PTPN14: variants seen among roughly 807,000 people sequenced by gnomAD.
PTPN14 encodes the protein protein tyrosine phosphatase non-receptor type 14, also known as tyrosine-protein phosphatase non-receptor type 14.
Under a neutral mutation model 126.8 loss-of-function variants are expected in PTPN14, and 53 were observed. The ratio of observed to expected loss-of-function variants is 0.42; its 90% CI spans 0.34 to 0.53. The LOEUF is 0.53. PTPN14 is among the 20% of genes least tolerant of loss of function. PTPN14 has a pLI of 0.08. For missense variants in PTPN14, 1,257 were observed against 1,552.9 expected (o/e 0.81, Z 3.20); for synonymous variants, 630 against 599.3 (o/e 1.05, Z -0.75).
intron 1 of PTPN14, among the ~76,000 whole-genome samples, chr1:214,470,348 A>AT (rs1572020479): frequency 6.6e-6 from 1 of 152,046 alleles, no homozygotes; most frequent in Non-Finnish European, 1.5e-5. Context: ...CAATACTGTG[A>AT]TTTTTTTCTA....
chr1:214,513,412 C>T (rs774397981), intron 1 of PTPN14, among the ~76,000 whole-genome samples: 1 of 151,310 alleles, frequency 6.6e-6, no homozygotes, highest in Non-Finnish European at 1.5e-5. Flanking sequence ...ATCAAAATAT[C>T]TCACATAAAA....
chr1:214,366,663 G>A (rs764823820), intron 17 of PTPN14, among the ~76,000 whole-genome samples: 6 of 152,116 alleles, frequency 3.9e-5, no homozygotes, highest in African/African-American at 1.2e-4. Flanking sequence ...CACAGAATAC[G>A]TGTATTGACT....
intron 1 of PTPN14, among the ~76,000 whole-genome samples, chr1:214,475,441 T>C (rs1004846688): frequency 2.0e-5 from 3 of 152,234 alleles, no homozygotes; most frequent in Admixed American, 6.5e-5. Context: ...CCAGCTTGCA[T>C]AATCAATTCC....
intron 17 of PTPN14, 60 bp downstream of exon 17, chr1:214,369,397 A>C (rs1009764615): frequency 2.7e-6 from 4 of 1,485,802 alleles, no homozygotes; most frequent in Non-Finnish European, 3.7e-6. Context: ...CCAACAGATG[A>C]ATTATTGACA....
chr1:214,390,843 A>G (rs917908535), intron 11 of PTPN14, 145 bp downstream of exon 11: 2 of 579,418 alleles, frequency 3.5e-6, no homozygotes, highest in Non-Finnish European at 5.5e-6. Flanking sequence ...ACGGGTGTCC[A>G]TCGCATCTGC....
chr1:214,494,499 A>C (rs973380206), intron 1 of PTPN14, among the ~76,000 whole-genome samples: 1 of 152,202 alleles, frequency 6.6e-6, no homozygotes, highest in African/African-American at 2.4e-5. Context: ...TTTTTGGTCA[A>C]AATAGGAACA....
chr1:214,479,390 A>G (rs951277394), intron 1 of PTPN14, among the ~76,000 whole-genome samples: 45 of 145,576 alleles, frequency 3.1e-4, no homozygotes, highest in African/African-American at 1.1e-3. Flanking sequence ...CCCAGGCTGG[A>G]GTGCAATGGC....
chr1:214,520,006 C>T (rs1655206177), intron 1 of PTPN14, among the ~76,000 whole-genome samples: 1 of 143,696 alleles, frequency 7.0e-6, no homozygotes, highest in Admixed American at 7.0e-5. Context: ...TATGATCATG[C>T]CACTGCACTC....
intron 4 of PTPN14, among the ~76,000 whole-genome samples, chr1:214,413,771 C>T (rs564239107): frequency 2.0e-5 from 3 of 152,288 alleles, no homozygotes; most frequent in South Asian, 2.1e-4. Flanking sequence ...CACGTTCAAG[C>T]GATTCTCGTG....
In PTPN14 at chr1:214,393,673, G is replaced by A. The variant is rs747939747; in HGVS notation, c.929+22C>T. On this transcript the variant is annotated intron_variant, in intron 10 of 18. Coordinates refer to ENST00000366956, the MANE Select transcript of PTPN14 (RefSeq NM_005401.5). ...TAATCTGACAAAGCCATCAAGTCGGGGGGGATTAAATGTTTACTTACTCAG... is the reference window on the plus strand; with the variant it reads ...TAATCTGACAAAGCCATCAAGTCGGAGGGGATTAAATGTTTACTTACTCAG... The A allele has an allele frequency of 2.3e-5, 35 of 1,528,090 alleles. No homozygotes were observed. In the African/African-American group the frequency reaches 3.7e-4, roughly 16 times the overall value. 94.7% of individuals were successfully genotyped at this position (1,528,090 alleles called of 1,614,324 possible).
At chr1:214,539,572 G>A (rs376972590) in intron 1 of PTPN14, among the ~76,000 whole-genome samples, 5 of 151,890 alleles carry the variant, frequency 3.3e-5, no homozygotes, top group Non-Finnish European at 4.4e-5. Flanking sequence ...ATACATATAC[G>A]GTAATTAATC....
At chr1:214,433,942 A>C (rs1175452739) in intron 3 of PTPN14, among the ~76,000 whole-genome samples, 2 of 17,516 alleles carry the variant, frequency 1.1e-4, no homozygotes, top group African/African-American at 5.7e-4. Flanking sequence ...ACACACACAC[A>C]CACACACACA....
intron 9 of PTPN14, among the ~76,000 whole-genome samples, chr1:214,394,033 C>T (rs563772327): frequency 1.1e-4 from 16 of 152,294 alleles, no homozygotes; most frequent in African/African-American, 3.9e-4. Flanking sequence ...CACTGATGAA[C>T]CAGCATGTCT....
chr1:214,518,803 T>C (rs1391288829), intron 1 of PTPN14, among the ~76,000 whole-genome samples: 2 of 152,168 alleles, frequency 1.3e-5, no homozygotes, highest in Admixed American at 6.5e-5. Context: ...TAAAATTAAG[T>C]AACTACGCTA....
Position 214,362,863 on chromosome 1 carries a change from C to A in PTPN14, c.3435+1649G>T, listed in dbSNP as rs372336156. Among the ~76,000 whole-genome samples, 266 of 152,084 alleles carry A rather than the reference C, an allele frequency of 1.7e-3. 12 individuals carry two copies. In the South Asian group the frequency reaches 0.051, roughly 29 times the overall value. On this transcript the variant is annotated intron_variant, in intron 18 of 18. Coordinates refer to ENST00000366956, the MANE Select transcript of PTPN14 (RefSeq NM_005401.5). ...AAAAAAAGAAAAAAAGAAAAGAAAA[C>A]AAGGGGGGAATTTGGTGACAAAAGT... is the stretch of plus-strand genomic sequence containing the variant.
At chr1:214,489,519 C>T (rs894572779) in intron 1 of PTPN14, among the ~76,000 whole-genome samples, 5 of 152,146 alleles carry the variant, frequency 3.3e-5, no homozygotes, top group Admixed American at 2.0e-4. Context: ...TCTTTCAGAA[C>T]GCGTTTGGAG....
intron 3 of PTPN14, among the ~76,000 whole-genome samples, chr1:214,450,476 TAAAAAAAAAAAA>T (rs1025115578): frequency 7.4e-6 from 1 of 135,398 alleles, no homozygotes; most frequent in Non-Finnish European, 1.6e-5. Context: ...CGTCTCAAAT[TAAAAAAAAAAAA>T]GAAAAAGAAA....
At chr1:214,510,883 G>GT (rs951257774) in intron 1 of PTPN14, among the ~76,000 whole-genome samples, 41 of 147,916 alleles carry the variant, frequency 2.8e-4, no homozygotes, top group South Asian at 6.5e-4. Flanking sequence ...TTTTTGTTTT[G>GT]TTTTTTTTTT....
At chr1:214,416,305 T>A (rs1461294705) in intron 3 of PTPN14, among the ~76,000 whole-genome samples, 1 of 152,218 alleles carries the variant, frequency 6.6e-6, no homozygotes, top group Non-Finnish European at 1.5e-5. Context: ...TAACCTGGCA[T>A]CATCTGCCAG....
Sources: gnomAD v4.1 joint callset for allele counts (sites outside exome capture counted in the v4.1 genomes callset) on GRCh38, gnomAD v4.1.1 for gene constraint, MANE v1.5 for transcripts, NCBI Gene and HGNC (gene_info 2026-07-23, HGNC 2026-07-21) for gene names.